Variants in ANKRD12 observed in about 807,000 individuals in gnomAD.
ANKRD12 encodes the protein ankyrin repeat domain 12.
ANKRD12 carries 85 observed loss-of-function variants against 183.4 expected under a neutral mutation model. That is an observed-to-expected ratio of 0.46 (90% CI 0.39 to 0.56). The LOEUF is 0.56. Among genes scored for constraint, ANKRD12 ranks in the 20% least tolerant of loss-of-function variants. The probability of loss-of-function intolerance (pLI) is 0.00; values close to 1 mark genes in which losing one functional copy is unlikely to be tolerated. For missense variants in ANKRD12, 2,405 were observed against 2,357.1 expected (o/e 1.02, Z -0.42); for synonymous variants, 914 against 800.2 (o/e 1.14, Z -2.40).
In ANKRD12 at chr18:9,281,163, T is replaced by A. The variant is rs2040093150; in HGVS notation, c.*37T>A. Reference sequence around the variant, plus strand: ...TCCTGATGGTATTGTCCTAAACTGGTGATGCTCAAGCATTATACTGTGGAA... The same window carrying A: ...TCCTGATGGTATTGTCCTAAACTGGAGATGCTCAAGCATTATACTGTGGAA... On this transcript the variant is annotated 3_prime_UTR_variant, in exon 13 of 13. Coordinates refer to ENST00000262126, the MANE Select transcript of ANKRD12 (RefSeq NM_015208.5). 6.4e-7 allele frequency: 1 copy of A among 1,559,682 alleles called. No individual in the cohort carries two copies. The highest frequency in any genetic ancestry group is 1.2e-5 in the South Asian group (1 of 86,386).
chr18:9,144,189 A>G (rs976942360), intron 1 of ANKRD12, among the ~76,000 whole-genome samples: 2 of 152,130 alleles, frequency 1.3e-5, no homozygotes, highest in African/African-American at 4.8e-5. Context: ...AATTTAAATA[A>G]TATTTTAACA....
At chr18:9,205,319 A>G (rs2035420804) in intron 4 of ANKRD12, among the ~76,000 whole-genome samples, 2 of 104,116 alleles carry the variant, frequency 1.9e-5, no homozygotes, top group Admixed American at 1.1e-4. Flanking sequence ...AAATAAAAAT[A>G]TGATTTTTTT....
rs963426912 is a variant in ANKRD12 at position 9,257,861 on chromosome 18, A to C, written c.4594A>C (p.Ser1532Arg). The change falls in exon 9 of 13, where the codon AGT (serine) becomes CGT (arginine). Residue 1532 changes from serine (S) to arginine (R), a missense_variant. Transcript: ENST00000262126. ...ACAAAAAAATGCAGTTCAGATTATT[A>C]GTTCTGCTTTAGATACTGATAATGA... ...LQQKNAVQII[S>R]SALDTDNEST... 1.9e-6 allele frequency: 3 copies of C among 1,613,608 alleles called. No individual in the cohort carries two copies. The highest frequency in any genetic ancestry group is 2.5e-6 in the Non-Finnish European group (3 of 1,179,918).
In ANKRD12 at chr18:9,255,314, A is replaced by G. The variant is rs2038538335; in HGVS notation, c.2047A>G (p.Lys683Glu). 6.3e-7 allele frequency: 1 copy of G among 1,593,516 alleles called. No homozygotes were observed. Among genetic ancestry groups the G allele is most frequent in the Non-Finnish European group, 8.5e-7 (1 of 1,175,024 alleles). ...KEKYKTKDSA[K>E]ELQRSVEFDR... ...AAAATACAAAACTAAGGATAGTGCC[A>G]AAGAACTGCAGAGGAGTGTGGAATT... Residue 683 changes from lysine to glutamate, a missense_variant, in exon 9 of 13, where the codon AAA becomes GAA. By Grantham distance (56) the Lys-to-Glu change is moderately conservative. This residue lies in a region of ANKRD12 where 1,983 missense variants were observed against 1,725.9 expected (regional missense o/e 1.15). Transcript: ENST00000262126.
chr18:9,203,044 G>A (rs1308481171), intron 3 of ANKRD12, among the ~76,000 whole-genome samples: 1 of 152,146 alleles, frequency 6.6e-6, no homozygotes, highest in African/African-American at 2.4e-5. Context: ...ACAATTTAAT[G>A]TTTGCTGGTT....
At chr18:9,246,473 T>C (rs1286855342) in intron 8 of ANKRD12, among the ~76,000 whole-genome samples, 1 of 152,196 alleles carries the variant, frequency 6.6e-6, no homozygotes, top group Non-Finnish European at 1.5e-5. Flanking sequence ...TTTATATCTA[T>C]ATATTTCCAT....
chr18:9,247,277 G>T (rs2038016355), intron 8 of ANKRD12, among the ~76,000 whole-genome samples: 1 of 150,130 alleles, frequency 6.7e-6, no homozygotes, highest in Non-Finnish European at 1.5e-5. Context: ...CCTCGAGTTT[G>T]AGACTAACCT....
At chr18:9,224,444 A>G (rs2036597262) in intron 8 of ANKRD12, among the ~76,000 whole-genome samples, 1 of 152,116 alleles carries the variant, frequency 6.6e-6, no homozygotes. Flanking sequence ...TGATACTTTG[A>G]GAAGGGAAGA....
Position 9,235,084 on chromosome 18 carries a change from C to T in ANKRD12, c.943+13085C>T, listed in dbSNP as rs144741895. Among the ~76,000 whole-genome samples the T allele has an allele frequency of 3.1e-3, 465 of 151,978 alleles. 3 individuals carry two copies. Among genetic ancestry groups the T allele is most frequent in the African/African-American group, 0.011 (449 of 41,454 alleles). ...TGATTACCTATTTGCAATTTTGGCT[C>T]ACTCTGGAGAGGGTGGGTGTCTGAT... On this transcript the variant is annotated intron_variant, in intron 8 of 12. Coordinates refer to ENST00000262126, the MANE Select transcript of ANKRD12 (RefSeq NM_015208.5).
At chr18:9,247,230 A>G (rs1001523890) in intron 8 of ANKRD12, among the ~76,000 whole-genome samples, 6 of 151,206 alleles carry the variant, frequency 4.0e-5, no homozygotes, top group African/African-American at 4.9e-5. Context: ...TGTAATCCCA[A>G]CACTTTAGTA....
At chr18:9,217,464 G>C (rs553511953) in intron 7 of ANKRD12, among the ~76,000 whole-genome samples, 4 of 152,254 alleles carry the variant, frequency 2.6e-5, no homozygotes, top group South Asian at 4.1e-4. Context: ...AATTTAAGAT[G>C]GTCTAGAAGT....
chr18:9,275,673 A>G lies in ANKRD12; in HGVS notation c.5907+6A>G, dbSNP rs1214235594. The G allele has an allele frequency of 1.6e-5, 25 of 1,549,218 alleles. No homozygotes were observed. Among genetic ancestry groups the G allele is most frequent in the Non-Finnish European group, 2.1e-5 (24 of 1,136,596 alleles). ...ATGTACCATTGGACTCTCAGGTAAA[A>G]TGTTTGTTGATACATTTAGAAGTAA... On this transcript the variant is annotated splice_donor_region_variant and intron_variant, in intron 11 of 12. Transcript: ENST00000262126.
chr18:9,149,741 T>C (rs553729335), intron 1 of ANKRD12, among the ~76,000 whole-genome samples: 15 of 152,012 alleles, frequency 9.9e-5, no homozygotes, highest in African/African-American at 3.1e-4. Flanking sequence ...ATAATAGACA[T>C]ATAGCTAAAG....
At position 9,254,603 on chromosome 18, in the gene ANKRD12, A is replaced by G. The variant is rs1313224105; in HGVS notation, c.1336A>G (p.Ile446Val). The stretch of plus-strand genomic sequence containing the variant: ...AAAGATTTCTACTTCATGTTCCGTC[A>G]TCCCTGAAACATCAAATTCTGATAT... ...NKKISTSCSVIPETSNSDMQT... is the reference protein window; with the variant it reads ...NKKISTSCSVVPETSNSDMQT... Residue 446 changes from isoleucine to valine, a missense_variant, in exon 9 of 13, where the codon ATC becomes GTC. By Grantham distance (29) the Ile-to-Val change is conservative (BLOSUM62 3). Coordinates refer to ENST00000262126, the MANE Select transcript of ANKRD12 (RefSeq NM_015208.5). The G allele has an allele frequency of 6.3e-6, 10 of 1,584,368 alleles. No homozygotes were observed. The highest frequency in any genetic ancestry group is 4.1e-5 in the African/African-American group (3 of 73,420).
chr18:9,194,420 G>A (rs964317747), intron 2 of ANKRD12, among the ~76,000 whole-genome samples: 3 of 151,932 alleles, frequency 2.0e-5, no homozygotes, highest in Non-Finnish European at 4.4e-5. Flanking sequence ...GCAACGGTAT[G>A]ATCTCAGCTC....
rs2038608768 is a variant in ANKRD12, at chr18:9,256,175, A to G, written c.2908A>G (p.Ile970Val). The G allele has an allele frequency of 6.4e-7, 1 of 1,563,180 alleles. No individual in the cohort carries two copies. The change falls in exon 9 of 13, where the codon ATA becomes GTA. Residue 970 changes from isoleucine (I) to valine (V), a missense_variant. Around this residue, in one of 7 missense-constraint regions of ANKRD12, gnomAD observed 1,983 missense variants for 1,725.9 expected, o/e 1.15. Transcript: ENST00000262126. ...KKEKSRDKES[I>V]NITNSKHIQE... ...GGAAAAATCTAGAGATAAAGAAAGT[A>G]TAAATATAACTAACTCCAAACACAT... is the stretch of plus-strand genomic sequence containing the variant.
intron 1 of ANKRD12, among the ~76,000 whole-genome samples, chr18:9,176,169 TCA>T (rs2033249562): frequency 6.6e-6 from 1 of 152,098 alleles, no homozygotes; most frequent in Non-Finnish European, 1.5e-5. Flanking sequence ...CTGTGAGGAG[TCA>T]CAGATAGGTG....
At chr18:9,206,266 A>G (rs373333325) in intron 4 of ANKRD12, among the ~76,000 whole-genome samples, 63 of 152,216 alleles carry the variant, frequency 4.1e-4, no homozygotes, top group African/African-American at 1.5e-3. Context: ...GTTCTTGTCT[A>G]TTATTAGGGC....
At chr18:9,198,486 AGT>A (rs1293889057) in intron 3 of ANKRD12, among the ~76,000 whole-genome samples, 1 of 152,168 alleles carries the variant, frequency 6.6e-6, no homozygotes, top group African/African-American at 2.4e-5. Flanking sequence ...TAAATAGGAC[AGT>A]GTATATAAAA....
Sources: gnomAD v4.1 joint callset for allele counts (sites outside exome capture counted in the v4.1 genomes callset) on GRCh38, gnomAD v4.1.1 for gene constraint, gnomAD v4.1.1 regional missense constraint, MANE v1.5 for transcripts, NCBI Gene and HGNC (gene_info 2026-07-23, HGNC 2026-07-21) for gene names.